STAT5B: variants seen among roughly 807,000 people sequenced by gnomAD.
The protein encoded by STAT5B is signal transducer and activator of transcription 5B, also known as transcription factor STAT5B.
STAT5B carries 21 observed loss-of-function variants against 107.8 expected under a neutral mutation model. The ratio of observed to expected loss-of-function variants is 0.19; its 90% CI spans 0.14 to 0.28. The LOEUF is 0.28. STAT5B is among the 10% of genes least tolerant of loss of function. The probability of loss-of-function intolerance (pLI) is 1.00; values close to 1 mark genes in which losing one functional copy is unlikely to be tolerated. For synonymous variants in STAT5B, 325 were observed against 401.7 expected, an observed-to-expected ratio of 0.81 and a Z score of 2.28; for missense variants, 565 against 1,008.2, an observed-to-expected ratio of 0.56 and a Z score of 5.95.
the STAT5B span, among the ~76,000 whole-genome samples, chr17:42,286,265 G>A: frequency 6.6e-6 from 1 of 151,712 alleles, no homozygotes; most frequent in South Asian, 2.1e-4. Context: ...ACCCAGAAGG[G>A]GAAATGTGCA....
chr17:42,277,304 G>A (rs1598347844), upstream of STAT5B, among the ~76,000 whole-genome samples: 1 of 152,112 alleles, frequency 6.6e-6, no homozygotes, highest in Non-Finnish European at 1.5e-5. Flanking sequence ...AGCTCCAGAA[G>A]CCAAGCTGCA....
chr17:42,260,412 C>G (rs1053218669), intron 1 of STAT5B, among the ~76,000 whole-genome samples: 1 of 151,826 alleles, frequency 6.6e-6, no homozygotes, highest in Non-Finnish European at 1.5e-5. Flanking sequence ...CTTTTGGGTT[C>G]GTTTGTTTTT....
chr17:42,215,489 G>A (rs2080163564), intron 12 of STAT5B, among the ~76,000 whole-genome samples: 1 of 152,216 alleles, frequency 6.6e-6, no homozygotes, highest in African/African-American at 2.4e-5. Flanking sequence ...AACTGCCCAT[G>A]TGGTCATGGA....
At chr17:42,261,717 C>A (rs1379651447) in intron 1 of STAT5B, among the ~76,000 whole-genome samples, 1 of 152,084 alleles carries the variant, frequency 6.6e-6, no homozygotes, top group Admixed American at 6.6e-5. Context: ...CACACCACCA[C>A]GTCTAGCTAA....
At chr17:42,253,833 G>A (rs560896357) in intron 1 of STAT5B, among the ~76,000 whole-genome samples, 42 of 152,202 alleles carry the variant, frequency 2.8e-4, no homozygotes, top group African/African-American at 9.9e-4. Flanking sequence ...GAGTCACCGC[G>A]CCTGGCCTGG....
rs755979362 is a variant in STAT5B at position 42,219,789 on chromosome 17, T to C, written c.604A>G (p.Thr202Ala). ...GACACCTGCTTCTGCTGGAGGGCCG[T>C]CTCCCGGCTCAGACGCTCCTGGGGG... ...LSPQERLSRE[T>A]ALQQKQVSLE... The change falls in exon 6 of 19, where the codon ACG becomes GCG. Residue 202 changes from threonine (T) to alanine (A), a missense_variant. Thr to Ala is a moderately conservative substitution (Grantham distance 58). Coordinates refer to ENST00000293328, the MANE Select transcript of STAT5B (RefSeq NM_012448.4). 1.9e-6 allele frequency: 3 copies of C among 1,613,496 alleles called. No homozygotes were observed. In the South Asian group the frequency reaches 3.3e-5, roughly 18 times the overall value.
chr17:42,265,377 C>CTTTTTTTTTTTTTTTTTTTT lies in STAT5B; in HGVS notation c.-11+10870_-11+10871insAAAAAAAAAAAAAAAAAAAA, dbSNP rs371149930. Among the ~76,000 whole-genome samples the CTTTTTTTTTTTTTTTTTTTT allele has an allele frequency of 2.5e-3, 274 of 110,484 alleles. 51 individuals carry two copies. The highest frequency in any genetic ancestry group is 8.5e-3 in the African/African-American group (236 of 27,626). The allele number at this position is 110,484 out of a possible 152,430, so 72.5% of individuals were successfully genotyped here. On this transcript the variant is annotated intron_variant, in intron 1 of 18. Transcript: ENST00000293328. ...GCTAAGTCAAAGGGTATGTACTCTT[C>CTTTTTTTTTTTTTTTTTTTT]TTTTTTTTTTTTGAGACGAAGTCTC...
At chr17:42,224,128 C>T (rs988792536) in intron 4 of STAT5B, among the ~76,000 whole-genome samples, 13 of 152,012 alleles carry the variant, frequency 8.6e-5, no homozygotes. Context: ...CTCTGTGGAC[C>T]CAGCCCTGTA....
In STAT5B at chr17:42,276,372, G is replaced by C. The variant is rs1163347278; in HGVS notation, c.-135C>G. The C allele has an allele frequency of 1.4e-5, 2 of 147,032 alleles. No homozygotes were observed. The highest frequency in any genetic ancestry group is 3.0e-5 in the Non-Finnish European group (2 of 66,040). The allele number at this position is 147,032 out of a possible 1,614,324, so 9.1% of individuals were successfully genotyped here. On this transcript the variant is annotated 5_prime_UTR_variant, in exon 1 of 19. Transcript: ENST00000293328. This position sits in a 1 kb window ranked among gnomAD's most constrained non-coding sequence, Gnocchi z 4.8. The stretch of plus-strand genomic sequence containing the variant: ...GTTGCCTGCGCTGGGTCCCCGCCCG[G>C]GGTGACGGCTCCGGCCGCCGACTCT...
chr17:42,220,764 G>A (rs1474240589), intron 5 of STAT5B, among the ~76,000 whole-genome samples: 1 of 152,124 alleles, frequency 6.6e-6, no homozygotes, highest in Non-Finnish European at 1.5e-5. Flanking sequence ...GCGGGACAGG[G>A]AGTAAGTTAG....
chr17:42,277,266 G>T (rs1567682392), upstream of STAT5B, among the ~76,000 whole-genome samples: 1 of 152,064 alleles, frequency 6.6e-6, no homozygotes, highest in East Asian at 1.9e-4. Context: ...AACCCTCCAA[G>T]GGCTAGCACT....
the STAT5B span, chr17:42,288,278 CG>C: frequency 1.3e-5 from 2 of 152,096 alleles, no homozygotes; most frequent in African/African-American, 4.8e-5. The surrounding 1 kb of genome is among the most constrained non-coding windows in gnomAD (Gnocchi z 4.8). Context: ...CTGGGACTCC[CG>C]GGGGACCCCG....
intron 1 of STAT5B, among the ~76,000 whole-genome samples, chr17:42,248,516 T>G (rs993976297): frequency 3.3e-5 from 5 of 152,172 alleles, no homozygotes; most frequent in Admixed American, 6.5e-5. Context: ...AAAATGCAAT[T>G]ACTTTTGCTA....
chr17:42,250,296 T>A (rs1007285243), intron 1 of STAT5B, among the ~76,000 whole-genome samples: 5 of 152,198 alleles, frequency 3.3e-5, no homozygotes, highest in African/African-American at 1.2e-4. Context: ...GAGAGTATTT[T>A]AACCCCACTC....
chr17:42,288,165 A>C, the STAT5B span: 1 of 152,198 alleles, frequency 6.6e-6, no homozygotes, highest in African/African-American at 2.4e-5. This position sits in a 1 kb window ranked among gnomAD's most constrained non-coding sequence, Gnocchi z 4.8. Context: ...TGGGATTTCC[A>C]GAGCCCGGGA....
chr17:42,257,284 C>G (rs2080554206), intron 1 of STAT5B, among the ~76,000 whole-genome samples: 1 of 152,038 alleles, frequency 6.6e-6, no homozygotes, highest in Non-Finnish European at 1.5e-5. Flanking sequence ...AAACAGATAC[C>G]ACCTGACAAT....
chr17:42,209,019 CA>C (rs1221926850), intron 15 of STAT5B, among the ~76,000 whole-genome samples: 4 of 148,910 alleles, frequency 2.7e-5, no homozygotes, highest in South Asian at 2.1e-4. Context: ...AGGCGTGAGC[CA>C]CCGCACCCAG....
At position 42,223,280 on chromosome 17, in the gene STAT5B, C is replaced by T. The variant is rs954315742; in HGVS notation, c.550+102G>A. ...CCTGCTACTCAGAGAAAGGTCGCTG[C>T]CTCCGAATGGAAAGTGTGCTTTCTC... is the stretch of plus-strand genomic sequence containing the variant. On this transcript the variant is annotated intron_variant, in intron 5 of 18. Coordinates refer to ENST00000293328, the MANE Select transcript of STAT5B (RefSeq NM_012448.4). 18 of 1,558,720 alleles carry T rather than the reference C, an allele frequency of 1.2e-5. No homozygotes were observed. The Admixed American group carries it at 1.4e-4, about 12-fold the overall frequency.
chr17:42,210,548 A>T, intron 13 of STAT5B, 51 bp from the exon 14 acceptor site: 4 of 1,458,368 alleles, frequency 2.7e-6, no homozygotes, highest in Non-Finnish European at 3.9e-6. Context: ...AACACTTGGA[A>T]TATTATACAC....
Sources: allele counts gnomAD v4.1 joint callset (sites outside exome capture counted in the v4.1 genomes callset), GRCh38; gene constraint gnomAD v4.1.1; non-coding constraint Gnocchi (gnomAD v3.1); transcripts MANE v1.5; gene names NCBI Gene and HGNC (gene_info 2026-07-23, HGNC 2026-07-21).